The following RHOBTB3 variants were observed in gnomAD, a reference collection of about 807,000 sequenced individuals.
The protein encoded by RHOBTB3 is Rho related BTB domain containing 3.
In RHOBTB3, 47 loss-of-function variants were observed where a neutral mutation model predicts 67.2. The observed-to-expected ratio is 0.70, with a 90% CI of 0.55 to 0.89. The LOEUF is 0.89. Ranked by LOEUF, RHOBTB3 falls within the 40% of genes least tolerant of loss-of-function variation. RHOBTB3 has a pLI of 0.00. For synonymous variants in RHOBTB3, 273 were observed against 274.2 expected (o/e 1.00, Z 0.04); for missense variants, 631 against 750.0 (o/e 0.84, Z 1.85).
Position 95,795,925 on chromosome 5 carries a change from G to T in RHOBTB3, c.*2751G>T, listed in dbSNP as rs1003829979. 9.2e-5 allele frequency: 14 copies of T among 152,142 alleles called. No individual in the cohort carries two copies. Among genetic ancestry groups the T allele is most frequent in the African/African-American group, 3.1e-4 (13 of 41,558 alleles). 9.4% of individuals were successfully genotyped at this position (152,142 alleles called of 1,614,324 possible). On this transcript the variant is annotated 3_prime_UTR_variant, in exon 12 of 12. Transcript: ENST00000379982. ...AGAAGATACTCTATGGTAGAACTAA[G>T]GCCTTTCCTTTCTTGGCCAAAGTCT...
intron 5 of RHOBTB3, among the ~76,000 whole-genome samples, chr5:95,753,978 C>T (rs754439800): frequency 4.0e-5 from 6 of 151,860 alleles, no homozygotes; most frequent in African/African-American, 4.8e-5. Flanking sequence ...GGCATGATGG[C>T]GACGCCTGTA....
intron 4 of RHOBTB3, 79 bp downstream of exon 4, chr5:95,748,566 C>A: frequency 9.4e-7 from 1 of 1,066,770 alleles, no homozygotes; most frequent in Non-Finnish European, 1.3e-6. Flanking sequence ...TCAGTTAGAA[C>A]TTCAGCTTTA....
In RHOBTB3 at chr5:95,791,364, A is replaced by G. The variant is rs189115806; in HGVS notation, c.1721-1695A>G. Among the ~76,000 whole-genome samples the G allele has an allele frequency of 9.9e-5, 15 of 152,250 alleles. No homozygotes were observed. In the East Asian group the frequency reaches 2.9e-3, roughly 29 times the overall value. Reference sequence around the variant, plus strand: ...AATATGTTACCCTTGGCATTTATGGATTCATTATTCTCGCAGTTTAATTTA... The same window carrying G: ...AATATGTTACCCTTGGCATTTATGGGTTCATTATTCTCGCAGTTTAATTTA... On this transcript the variant is annotated intron_variant, in intron 11 of 11. Coordinates refer to ENST00000379982, the MANE Select transcript of RHOBTB3 (RefSeq NM_014899.4).
upstream of RHOBTB3, among the ~76,000 whole-genome samples, chr5:95,729,924 C>A (rs1376622402): frequency 6.6e-6 from 1 of 151,994 alleles, no homozygotes; most frequent in East Asian, 1.9e-4. Flanking sequence ...ATTCTAGTGT[C>A]TTTGTTTTTG....
At chr5:95,748,181 G>C in intron 3 of RHOBTB3, 152 bp from the exon 4 acceptor site, 1 of 417,092 alleles carries the variant, frequency 2.4e-6, no homozygotes, top group Non-Finnish European at 4.3e-6. Flanking sequence ...TTGACACTTT[G>C]TATTCAGAGT....
At chr5:95,757,877 A>G (rs1745293978) in intron 6 of RHOBTB3, among the ~76,000 whole-genome samples, 1 of 152,206 alleles carries the variant, frequency 6.6e-6, no homozygotes, top group South Asian at 2.1e-4. Flanking sequence ...TAAAGACTTC[A>G]TTTAGTACTA....
rs548658741 is a variant in RHOBTB3 at position 95,768,647 on chromosome 5, A to T, written c.1282+481A>T. ...AAGGACTGAGGGTTATGCCTGGCCC[A>T]CCTCAGGCACCCATAGATATTGCTA... is the stretch of plus-strand genomic sequence containing the variant. On this transcript the variant is annotated intron_variant, in intron 8 of 11. Coordinates refer to ENST00000379982, the MANE Select transcript of RHOBTB3 (RefSeq NM_014899.4). Among the ~76,000 whole-genome samples the T allele has an allele frequency of 6.6e-5, 10 of 152,280 alleles. No homozygotes were observed. In the South Asian group the frequency reaches 1.2e-3, roughly 19 times the overall value.
At chr5:95,762,591 G>A (rs1435352653) in intron 6 of RHOBTB3, among the ~76,000 whole-genome samples, 1 of 38,116 alleles carries the variant, frequency 2.6e-5, no homozygotes, top group Non-Finnish European at 7.1e-5. Flanking sequence ...TAACTATACC[G>A]CCCACACTAG....
At chr5:95,775,461 T>C (rs1252943828) in intron 8 of RHOBTB3, among the ~76,000 whole-genome samples, 2 of 149,912 alleles carry the variant, frequency 1.3e-5, no homozygotes, top group African/African-American at 4.9e-5. Flanking sequence ...ATAATATATG[T>C]ATATACATAT....
At chr5:95,720,552 A>C (rs938044356) in intron 1 of RHOBTB3, among the ~76,000 whole-genome samples, 2 of 152,172 alleles carry the variant, frequency 1.3e-5, no homozygotes, top group African/African-American at 4.8e-5. Flanking sequence ...CTAGTAACAG[A>C]CTGTTCCATT....
intron 10 of RHOBTB3, among the ~76,000 whole-genome samples, chr5:95,788,076 C>A (rs1290175750): frequency 6.6e-6 from 1 of 152,234 alleles, no homozygotes; most frequent in Non-Finnish European, 1.5e-5. Flanking sequence ...CCAAAGTTGC[C>A]TGCCAGCAAG....
At chr5:95,743,178 A>C (rs1000449607) in intron 3 of RHOBTB3, among the ~76,000 whole-genome samples, 1 of 152,256 alleles carries the variant, frequency 6.6e-6, no homozygotes, top group Non-Finnish European at 1.5e-5. Flanking sequence ...AGATGGCATT[A>C]TAAGTCGTTC....
chr5:95,749,790 G>A (rs145286526), intron 4 of RHOBTB3, among the ~76,000 whole-genome samples: 40 of 152,312 alleles, frequency 2.6e-4, no homozygotes, highest in African/African-American at 8.7e-4. Context: ...AGGGGAGGCC[G>A]TTCCCTTGGA....
chr5:95,767,338 CT>C (rs1561450521), intron 7 of RHOBTB3, among the ~76,000 whole-genome samples: 26 of 117,978 alleles, frequency 2.2e-4, no homozygotes, highest in Non-Finnish European at 3.8e-4. Flanking sequence ...TTGTATTTTT[CT>C]TTCTTTTTTT....
At chr5:95,736,836 G>T in intron 2 of RHOBTB3, 53 bp from the exon 3 acceptor site, 2 of 1,165,814 alleles carry the variant, frequency 1.7e-6, no homozygotes, top group South Asian at 1.6e-5. Context: ...AATTATTTCA[G>T]GATTGATTGG....
chr5:95,760,921 G>A (rs1286326795), intron 6 of RHOBTB3, among the ~76,000 whole-genome samples: 26 of 152,206 alleles, frequency 1.7e-4, no homozygotes, highest in Non-Finnish European at 2.2e-4. Context: ...AAGTCTCAAA[G>A]ATGACTTGAT....
chr5:95,730,825 A>T, upstream of RHOBTB3: 1 of 448,782 alleles, frequency 2.2e-6, no homozygotes, highest in Non-Finnish European at 4.5e-6. Context: ...TGTTGCCTTT[A>T]TTTTTTCTCA....
At chr5:95,743,354 C>T (rs1483842051) in intron 3 of RHOBTB3, among the ~76,000 whole-genome samples, 1 of 152,102 alleles carries the variant, frequency 6.6e-6, no homozygotes, top group African/African-American at 2.4e-5. Context: ...CACCCAGGAT[C>T]AACAGGCTTG....
At chr5:95,767,953 G>A in intron 7 of RHOBTB3, 93 bp from the exon 8 acceptor site, 1 of 1,183,906 alleles carries the variant, frequency 8.4e-7, no homozygotes, top group Non-Finnish European at 1.3e-6. Context: ...TTTCTTTTGA[G>A]ATTTAGCATA....
Sources: allele counts gnomAD v4.1 joint callset (sites outside exome capture counted in the v4.1 genomes callset), GRCh38; gene constraint gnomAD v4.1.1; transcripts MANE v1.5; gene names NCBI Gene and HGNC (gene_info 2026-07-23, HGNC 2026-07-21).